Variants in WNT10A observed in about 807,000 individuals in gnomAD.
The protein encoded by WNT10A is protein Wnt-10a.
In WNT10A, 37 loss-of-function variants were observed where a neutral mutation model predicts 36.1. That is an observed-to-expected ratio of 1.02 (90% CI 0.79 to 1.35). The LOEUF is 1.35. Among genes scored for constraint, WNT10A ranks in the 40% most tolerant of loss-of-function variants. The pLI, the probability that WNT10A is intolerant of heterozygous loss-of-function variation, is 0.00. For missense variants in WNT10A, 613 were observed against 601.4 expected (o/e 1.02, Z -0.20); for synonymous variants, 255 against 254.1 (o/e 1.00, Z -0.03).
In WNT10A at chr2:218,881,051, G is replaced by A. The variant is rs1311504245; in HGVS notation, c.56G>A (p.Arg19Gln). Residue 19 changes from arginine to glutamine, a missense_variant, in exon 1 of 4, where the codon CGG becomes CAG. Physicochemically the swap from Arg to Gln is conservative, Grantham distance 43 (BLOSUM62 1). Transcript: ENST00000258411. ...WLRLRPQPQPRPALWVLLFFL... is the reference protein window; with the variant it reads ...WLRLRPQPQPQPALWVLLFFL... ...CGGCTCCGACCCCAGCCCCAGCCGCGGCCAGCGCTCTGGGTGCTCCTGTTC... is the reference window on the plus strand; with the variant it reads ...CGGCTCCGACCCCAGCCCCAGCCGCAGCCAGCGCTCTGGGTGCTCCTGTTC... 6.2e-7 allele frequency: 1 copy of A among 1,604,338 alleles called. No individual in the cohort carries two copies. Among genetic ancestry groups the A allele is most frequent in the South Asian group, 1.1e-5 (1 of 89,344 alleles).
At chr2:218,875,706 C>T in the WNT10A span, among the ~76,000 whole-genome samples, 1 of 152,210 alleles carries the variant, frequency 6.6e-6, no homozygotes, top group African/African-American at 2.4e-5. Flanking sequence ...CTGTCCCACA[C>T]CCTCACAGGA....
At chr2:218,875,589 G>A in the WNT10A span, among the ~76,000 whole-genome samples, 1 of 152,194 alleles carries the variant, frequency 6.6e-6, no homozygotes, top group South Asian at 2.1e-4. Flanking sequence ...CACTGTAACT[G>A]TGTATTGGTC....
chr2:218,889,930 A>T, intron 2 of WNT10A, 54 bp from the exon 3 acceptor site: 1 of 1,609,942 alleles, frequency 6.2e-7, no homozygotes. Context: ...TGGGCTGGAG[A>T]ATGGGGTGTC....
intron 1 of WNT10A, among the ~76,000 whole-genome samples, chr2:218,881,363 G>T (rs1324769072): frequency 6.6e-6 from 1 of 152,120 alleles, no homozygotes; most frequent in African/African-American, 2.4e-5. Context: ...TGTGTGTGGG[G>T]GGGGAGCAAG....
At chr2:218,878,304 C>A (rs60356615), upstream of WNT10A, among the ~76,000 whole-genome samples, 905 of 152,264 alleles carry the variant, frequency 5.9e-3, 12 homozygotes, top group African/African-American at 0.021. The surrounding 1 kb of genome is among the most constrained non-coding windows in gnomAD (Gnocchi z 4.1). Flanking sequence ...CTGAGAAGTG[C>A]TCTGACTTGG....
intron 1 of WNT10A, 73 bp downstream of exon 1, chr2:218,881,181 G>A: frequency 6.5e-7 from 1 of 1,545,576 alleles, no homozygotes; most frequent in Non-Finnish European, 8.8e-7. Context: ...TGATGCTCTT[G>A]CTGGGGTAGA....
chr2:218,887,865 G>T (rs1355802393), intron 2 of WNT10A, among the ~76,000 whole-genome samples: 1 of 152,204 alleles, frequency 6.6e-6, no homozygotes, highest in Admixed American at 6.5e-5. Flanking sequence ...TTTAATTCTT[G>T]GAACAACAAT....
chr2:218,881,507 G>C (rs956085423), intron 1 of WNT10A, among the ~76,000 whole-genome samples: 7 of 152,032 alleles, frequency 4.6e-5, no homozygotes. Context: ...GGGTAGCCCA[G>C]GTGGGGTCAG....
Position 218,882,365 on chromosome 2 carries a change from C to G in WNT10A, c.318C>G (p.Asn106Lys), listed in dbSNP as rs1283426045. 6.2e-6 allele frequency: 10 copies of G among 1,614,218 alleles called. No individual in the cohort carries two copies. The highest frequency in any genetic ancestry group is 8.5e-6 in the Non-Finnish European group (10 of 1,180,036). Residue 106 changes from asparagine (N) to lysine (K), a missense_variant, in exon 2 of 4, where the codon AAC (asparagine) becomes AAG (lysine). Physicochemically the swap from Asn to Lys is moderately conservative, Grantham distance 94. Coordinates refer to ENST00000258411, the MANE Select transcript of WNT10A (RefSeq NM_025216.3). The part of the protein sequence containing the change: ...CQHQFRDQRW[N>K]CSSLETRNKI... ...ACCAATTCAGGGACCAGCGCTGGAACTGCTCAAGCCTGGAGACTCGCAACA... is the reference window on the plus strand; with the variant it reads ...ACCAATTCAGGGACCAGCGCTGGAAGTGCTCAAGCCTGGAGACTCGCAACA...
chr2:218,884,516 C>T (rs1439592548), intron 2 of WNT10A, among the ~76,000 whole-genome samples: 1 of 152,152 alleles, frequency 6.6e-6, no homozygotes, highest in Non-Finnish European at 1.5e-5. Flanking sequence ...CCCCTCATTG[C>T]CACACCTCAC....
At chr2:218,891,093 C>A (rs146571873) in intron 3 of WNT10A, among the ~76,000 whole-genome samples, 175 of 152,312 alleles carry the variant, frequency 1.1e-3, no homozygotes, top group African/African-American at 4.0e-3. Flanking sequence ...TTACAACTAC[C>A]TATGAAGTGG....
Position 218,890,158 on chromosome 2 carries a change from G to A in WNT10A, c.551G>A (p.Arg184His), listed in dbSNP as rs372756514. ...CGCTTACAACTGGATGCACTGCAGCGTGGTAAGGGCCTGAGCCATGGGGTC... is the reference window on the plus strand; with the variant it reads ...CGCTTACAACTGGATGCACTGCAGCATGGTAAGGGCCTGAGCCATGGGGTC... The part of the protein sequence containing the change: ...LHRLQLDALQ[R>H]GKGLSHGVPE... Residue 184 changes from arginine to histidine, a missense_variant, in exon 3 of 4, where the codon CGT (arginine) becomes CAT (histidine). Transcript: ENST00000258411. 3.7e-5 allele frequency: 60 copies of A among 1,614,058 alleles called. No homozygotes were observed. Among genetic ancestry groups the A allele is most frequent in the East Asian group, 3.1e-4 (14 of 44,896 alleles).
In WNT10A at chr2:218,893,059, C is replaced by T. The variant is rs978088338; in HGVS notation, c.1042C>T (p.Arg348Cys). Residue 348 changes from arginine (R) to cysteine (C), a missense_variant, in exon 4 of 4, where the codon CGC becomes TGC. Arg to Cys is a radical substitution (Grantham distance 180, BLOSUM62 -3). Transcript: ENST00000258411. This position sits in a 1 kb window ranked among gnomAD's most constrained non-coding sequence, Gnocchi z 6.3. The part of the protein sequence containing the change: ...YFEKSPDFCE[R>C]EPRLDSAGTV... ...CGAAAAGTCTCCCGACTTCTGCGAGCGCGAGCCGCGCCTGGACTCGGCGGG... is the reference window on the plus strand; with the variant it reads ...CGAAAAGTCTCCCGACTTCTGCGAGTGCGAGCCGCGCCTGGACTCGGCGGG... 6.3e-7 allele frequency: 1 copy of T among 1,596,396 alleles called. No individual in the cohort carries two copies. Among genetic ancestry groups the T allele is most frequent in the Non-Finnish European group, 8.5e-7 (1 of 1,179,114 alleles).
upstream of WNT10A, among the ~76,000 whole-genome samples, chr2:218,879,025 C>T (rs2106009405): frequency 6.6e-6 from 1 of 152,196 alleles, no homozygotes; most frequent in East Asian, 1.9e-4. Context: ...ACGCAGTCTG[C>T]TTGCTGCCCC....
At chr2:218,885,016 CCTT>C (rs1447336551) in intron 2 of WNT10A, among the ~76,000 whole-genome samples, 6 of 152,186 alleles carry the variant, frequency 3.9e-5, no homozygotes, top group Non-Finnish European at 8.8e-5. Context: ...TGTCCTGACA[CCTT>C]CTCTGTAATG....
chr2:218,876,877 T>C (rs1317051036), upstream of WNT10A, among the ~76,000 whole-genome samples: 1 of 150,322 alleles, frequency 6.7e-6, no homozygotes, highest in Non-Finnish European at 1.5e-5. Context: ...ACTCAGAGAG[T>C]GGTGGGCAGG....
In WNT10A at chr2:218,892,975, C is replaced by T. The variant is rs1944673587; in HGVS notation, c.958C>T (p.Pro320Ser). ...LEPGPAGAPSPAPGAPGPRRR... is the reference protein window; with the variant it reads ...LEPGPAGAPSSAPGAPGPRRR... ...GCCGGGCCCAGCGGGGGCACCCTCG[C>T]CGGCTCCGGGCGCTCCCGGGCCGCG... The change falls in exon 4 of 4, where the codon CCG becomes TCG. Residue 320 changes from proline to serine, a missense_variant. By Grantham distance (74) the Pro-to-Ser change is moderately conservative (BLOSUM62 -1). Transcript: ENST00000258411. 6.9e-7 allele frequency: 1 copy of T among 1,456,594 alleles called. No individual in the cohort carries two copies. Among genetic ancestry groups the T allele is most frequent in the Non-Finnish European group, 9.0e-7 (1 of 1,112,668 alleles). 90.2% of individuals were successfully genotyped at this position (1,456,594 alleles called of 1,614,324 possible).
chr2:218,892,915 A>G lies in WNT10A; in HGVS notation c.898A>G (p.Ile300Val). 6.6e-7 allele frequency: 1 copy of G among 1,514,044 alleles called. No individual in the cohort carries two copies. 93.8% of individuals were successfully genotyped at this position (1,514,044 alleles called of 1,614,324 possible). The change falls in exon 4 of 4, where the codon ATC becomes GTC. Residue 300 changes from isoleucine to valine, a missense_variant. Coordinates refer to ENST00000258411, the MANE Select transcript of WNT10A (RefSeq NM_025216.3). ...CAGCCGCTTCCACCGCGCCACGCTC[A>G]TCCGGCCGCACAACCGCAACGGCGG... ...LRSRFHRATL[I>V]RPHNRNGGQL...
intron 2 of WNT10A, among the ~76,000 whole-genome samples, chr2:218,885,791 A>T (rs1293063266): frequency 1.3e-5 from 2 of 152,170 alleles, no homozygotes. Context: ...TGGTGCTCAG[A>T]TGGGGAAACC....
Sources: allele counts gnomAD v4.1 joint callset (sites outside exome capture counted in the v4.1 genomes callset), GRCh38; gene constraint gnomAD v4.1.1; non-coding constraint Gnocchi (gnomAD v3.1); transcripts MANE v1.5; gene names NCBI Gene and HGNC (gene_info 2026-07-23, HGNC 2026-07-21).